The following UBE2H variants were observed in gnomAD, a reference collection of about 807,000 sequenced individuals.
The protein encoded by UBE2H is ubiquitin conjugating enzyme E2 H.
In UBE2H, 3 loss-of-function variants were observed where a neutral mutation model predicts 29.0. The observed-to-expected ratio is 0.10, with a 90% CI of 0.05 to 0.27. The LOEUF is 0.27. Ranked by LOEUF, UBE2H falls within the 10% of genes least tolerant of loss-of-function variation. The pLI is 1.00. For missense variants in UBE2H, 68 were observed against 228.2 expected (o/e 0.30, Z 4.52); for synonymous variants, 69 against 82.9 (o/e 0.83, Z 0.91).
At chr7:129,877,679 C>T (rs1162692052) in intron 3 of UBE2H, among the ~76,000 whole-genome samples, 1 of 152,138 alleles carries the variant, frequency 6.6e-6, no homozygotes, top group Non-Finnish European at 1.5e-5. Context: ...TCATTTGTCC[C>T]AACCAAATTT....
At chr7:129,949,561 CCAG>C (rs762461797) in intron 1 of UBE2H, among the ~76,000 whole-genome samples, 1 of 152,076 alleles carries the variant, frequency 6.6e-6, no homozygotes, top group Non-Finnish European at 1.5e-5. Flanking sequence ...ACATAATCAC[CCAG>C]CAGATTATTA....
chr7:129,897,618 T>C (rs527428857), intron 1 of UBE2H, among the ~76,000 whole-genome samples: 55 of 152,290 alleles, frequency 3.6e-4, no homozygotes, highest in African/African-American at 1.3e-3. Flanking sequence ...AAACTACAGA[T>C]GGATACACTA....
At chr7:129,950,894 A>G (rs1807861509) in intron 1 of UBE2H, among the ~76,000 whole-genome samples, 1 of 152,172 alleles carries the variant, frequency 6.6e-6, no homozygotes, top group African/African-American at 2.4e-5. Flanking sequence ...ACAGCTCATA[A>G]AGAGTTGATT....
intron 1 of UBE2H, among the ~76,000 whole-genome samples, chr7:129,933,441 A>G (rs1807449430): frequency 6.6e-6 from 1 of 152,236 alleles, no homozygotes; most frequent in African/African-American, 2.4e-5. Context: ...AAATGAAGTA[A>G]AGCAAGTTTC....
At chr7:129,906,266 C>T (rs918107716) in intron 1 of UBE2H, among the ~76,000 whole-genome samples, 5 of 149,646 alleles carry the variant, frequency 3.3e-5, no homozygotes, top group Non-Finnish European at 5.9e-5. Context: ...AGTGCAGTGG[C>T]GCCACCTTGG....
chr7:129,944,333 C>A (rs984351747), intron 1 of UBE2H, among the ~76,000 whole-genome samples: 1 of 152,036 alleles, frequency 6.6e-6, no homozygotes. Context: ...TCAGCCTGGG[C>A]GACAGAGCGA....
intron 1 of UBE2H, among the ~76,000 whole-genome samples, chr7:129,947,939 G>T (rs1464878205): frequency 6.6e-6 from 1 of 151,794 alleles, no homozygotes; most frequent in Non-Finnish European, 1.5e-5. Context: ...CACAACCTCC[G>T]CCTCATGGGT....
At chr7:129,865,317 T>C (rs1470579731) in intron 3 of UBE2H, among the ~76,000 whole-genome samples, 4 of 152,160 alleles carry the variant, frequency 2.6e-5, no homozygotes, top group African/African-American at 7.2e-5. Flanking sequence ...AAGGGGTCTA[T>C]ACAGAGTTGC....
intron 5 of UBE2H, among the ~76,000 whole-genome samples, chr7:129,850,872 G>A (rs1187531426): frequency 1.4e-5 from 2 of 145,478 alleles, no homozygotes; most frequent in African/African-American, 5.0e-5. Flanking sequence ...TGGGGGGAGG[G>A]ACAGAGAGAG....
intron 1 of UBE2H, among the ~76,000 whole-genome samples, chr7:129,904,426 G>T (rs16873739): frequency 0.065 from 9,897 of 152,088 alleles, 535 homozygotes; most frequent in East Asian, 0.25. Flanking sequence ...GGCCTTTATG[G>T]TGTGTCTAAA....
At chr7:129,854,091 A>AG (rs1247829472) in intron 5 of UBE2H, among the ~76,000 whole-genome samples, 1 of 100,432 alleles carries the variant, frequency 1.0e-5, no homozygotes, top group East Asian at 2.5e-4. Context: ...TTGGCGGGGC[A>AG]GGGGTTGGCG....
chr7:129,904,114 T>G (rs1275339937), intron 1 of UBE2H, among the ~76,000 whole-genome samples: 1 of 152,232 alleles, frequency 6.6e-6, no homozygotes, highest in Admixed American at 6.5e-5. Flanking sequence ...GGTCTCAGTC[T>G]GCCACATTCT....
At chr7:129,887,479 CAA>C (rs760211203) in intron 1 of UBE2H, among the ~76,000 whole-genome samples, 61 of 152,022 alleles carry the variant, frequency 4.0e-4, no homozygotes, top group Non-Finnish European at 7.8e-4. Flanking sequence ...CTCAGCCTCC[CAA>C]AGTGTTGGGA....
chr7:129,939,095 G>A (rs1052845478), intron 1 of UBE2H, among the ~76,000 whole-genome samples: 8 of 152,068 alleles, frequency 5.3e-5, no homozygotes, highest in Admixed American at 3.9e-4. Flanking sequence ...CACCACGCCC[G>A]GCCTCTAGTT....
intron 3 of UBE2H, among the ~76,000 whole-genome samples, chr7:129,874,806 A>G (rs191942301): frequency 6.6e-6 from 1 of 152,340 alleles, no homozygotes; most frequent in Admixed American, 6.5e-5. Context: ...TAACCACCCA[A>G]GAGAAGAGAA....
rs185845046 is a variant in UBE2H at position 129,843,705 on chromosome 7, T to C, written c.299-4370A>G. On this transcript the variant is annotated intron_variant, in intron 5 of 6. Coordinates refer to ENST00000355621, the MANE Select transcript of UBE2H (RefSeq NM_003344.4). ...AGCAAAGGACGTTCAGATGTTTCTG[T>C]GGCTATTCACAGAGACGGTGTGCTT... Among the ~76,000 whole-genome samples, 520 of 152,306 alleles carry C rather than the reference T, an allele frequency of 3.4e-3. 3 individuals are homozygous for C. The highest frequency in any genetic ancestry group is 6.8e-3 in the Middle Eastern group (2 of 294).
At chr7:129,915,593 A>G (rs1807027745) in intron 1 of UBE2H, among the ~76,000 whole-genome samples, 1 of 152,198 alleles carries the variant, frequency 6.6e-6, no homozygotes, top group African/African-American at 2.4e-5. Context: ...AACACCCTTA[A>G]CCTCTAAACA....
intron 1 of UBE2H, among the ~76,000 whole-genome samples, chr7:129,883,440 A>C (rs1465645129): frequency 6.6e-6 from 1 of 152,276 alleles, no homozygotes; most frequent in Non-Finnish European, 1.5e-5. Context: ...AAGAATGTTC[A>C]CAGGACTATT....
intron 1 of UBE2H, among the ~76,000 whole-genome samples, chr7:129,943,959 T>C (rs1054896899): frequency 6.6e-6 from 1 of 152,176 alleles, no homozygotes; most frequent in Non-Finnish European, 1.5e-5. Flanking sequence ...AAATTTGTTT[T>C]ATTGATAAAA....
Sources: allele counts gnomAD v4.1 joint callset (sites outside exome capture counted in the v4.1 genomes callset), GRCh38; gene constraint gnomAD v4.1.1; transcripts MANE v1.5; gene names NCBI Gene and HGNC (gene_info 2026-07-23, HGNC 2026-07-21).